NTRK3: variants seen among roughly 807,000 people sequenced by gnomAD.
The protein encoded by NTRK3 is NT-3 growth factor receptor.
Under a neutral mutation model 91.7 loss-of-function variants are expected in NTRK3, and 24 were observed. The observed-to-expected ratio is 0.26, with a 90% CI of 0.19 to 0.37. The LOEUF is 0.37. NTRK3 is among the 10% of genes least tolerant of loss of function. The probability of loss-of-function intolerance (pLI) is 1.00; values close to 1 mark genes in which losing one functional copy is unlikely to be tolerated. For synonymous variants in NTRK3, 483 were observed against 404.0 expected (o/e 1.20, Z -2.34); for missense variants, 880 against 1,068.9 (o/e 0.82, Z 2.46).
chr15:88,078,312 C>T (rs982794265), intron 13 of NTRK3, among the ~76,000 whole-genome samples: 1 of 152,180 alleles, frequency 6.6e-6, no homozygotes, highest in East Asian at 1.9e-4. Context: ...ACATACCTCA[C>T]ATGGCACGTC....
intron 17 of NTRK3, among the ~76,000 whole-genome samples, chr15:87,904,321 T>A (rs1334651926): frequency 6.6e-6 from 1 of 151,696 alleles, no homozygotes; most frequent in East Asian, 1.9e-4. Context: ...CGGCTAATTT[T>A]TTTTTTATTT....
chr15:87,912,798 GT>G (rs1363527584), intron 17 of NTRK3, among the ~76,000 whole-genome samples: 8 of 151,782 alleles, frequency 5.3e-5, no homozygotes, highest in Non-Finnish European at 8.8e-5. Flanking sequence ...TTACAAAACA[GT>G]TGGGTGGAGT....
Position 88,008,005 on chromosome 15 carries a change from A to G in NTRK3, c.1585+24852T>C, listed in dbSNP as rs79930567. On this transcript the variant is annotated intron_variant, in intron 14 of 18. Coordinates refer to ENST00000394480, the Ensembl canonical transcript of NTRK3. ...TTATCTACTGGGATGACTTGGCCAC[A>G]TATCTCTAGAGATACAGAGATCTAA... Among the ~76,000 whole-genome samples the G allele has an allele frequency of 6.8e-3, 1,031 of 152,320 alleles. 7 individuals carry two copies. Among genetic ancestry groups the G allele is most frequent in the Non-Finnish European group, 9.6e-3 (650 of 68,030 alleles).
intron 11 of NTRK3, among the ~76,000 whole-genome samples, chr15:88,127,794 A>T (rs2053447909): frequency 6.6e-6 from 1 of 152,178 alleles, no homozygotes; most frequent in Non-Finnish European, 1.5e-5. Context: ...GGGCAGCTTA[A>T]GTTAAAAAAA....
chr15:88,056,430 C>G (rs2045701869), intron 13 of NTRK3, among the ~76,000 whole-genome samples: 1 of 151,900 alleles, frequency 6.6e-6, no homozygotes, highest in African/African-American at 2.4e-5. Context: ...AAATTAAGTA[C>G]AGTAAATATT....
intron 14 of NTRK3, among the ~76,000 whole-genome samples, chr15:87,942,672 G>A (rs1347810031): frequency 2.0e-5 from 3 of 152,104 alleles, no homozygotes; most frequent in African/African-American, 7.2e-5. Flanking sequence ...TCAAGACCTG[G>A]ATCCTCCAAG....
chr15:88,183,359 T>C, intron 5 of NTRK3, 59 bp downstream of exon 5: 1 of 1,575,920 alleles, frequency 6.3e-7, no homozygotes, highest in South Asian at 1.1e-5. Flanking sequence ...GTCTCCGGTT[T>C]CACTGCCCCA....
At chr15:88,191,699 G>A (rs898864758) in intron 3 of NTRK3, among the ~76,000 whole-genome samples, 6 of 152,344 alleles carry the variant, frequency 3.9e-5, no homozygotes, top group African/African-American at 1.2e-4. Flanking sequence ...TTATCCAGGC[G>A]TATTATGTCT....
At chr15:87,876,976 A>G (rs371484023) in exon 19 of NTRK3, 14 of 1,613,844 alleles carry the variant, frequency 8.7e-6, no homozygotes, top group Non-Finnish European at 1.1e-5. Context: ...GCCTTCCCCA[A>G]AGCATGGAGG....
chr15:87,924,443 T>C (rs1304310812), intron 17 of NTRK3, among the ~76,000 whole-genome samples: 1 of 152,138 alleles, frequency 6.6e-6, no homozygotes, highest in Non-Finnish European at 1.5e-5. Context: ...CTGCCAGACC[T>C]GTTTATGACC....
exon 19 of NTRK3, chr15:87,875,441 G>A (rs1018045185): frequency 4.7e-5 from 11 of 232,162 alleles, no homozygotes; most frequent in East Asian, 6.1e-5. Context: ...GAGGGAGCAG[G>A]CCCCAGCACA....
At chr15:87,867,539 C>G (rs2064716160) in exon 19 of NTRK3, 1 of 230,022 alleles carries the variant, frequency 4.3e-6, no homozygotes, top group African/African-American at 2.2e-5. Flanking sequence ...GGATGAGAAA[C>G]AGATTGGCTT....
chr15:87,953,043 G>A (rs934839065), intron 14 of NTRK3, among the ~76,000 whole-genome samples: 1 of 152,180 alleles, frequency 6.6e-6, no homozygotes, highest in African/African-American at 2.4e-5. Context: ...CCCTGTCGAA[G>A]CCCACTCACT....
At chr15:87,914,943 T>C (rs922732620) in intron 17 of NTRK3, among the ~76,000 whole-genome samples, 1 of 152,214 alleles carries the variant, frequency 6.6e-6, no homozygotes, top group Non-Finnish European at 1.5e-5. Context: ...CATGGTTATT[T>C]ACTAAGCACA....
intron 14 of NTRK3, among the ~76,000 whole-genome samples, chr15:87,946,002 T>C (rs2070456439): frequency 6.6e-6 from 1 of 152,186 alleles, no homozygotes; most frequent in African/African-American, 2.4e-5. Flanking sequence ...CTAAAATATA[T>C]TAGACATTTA....
At chr15:87,993,096 C>A (rs1332824601) in intron 14 of NTRK3, among the ~76,000 whole-genome samples, 1 of 152,168 alleles carries the variant, frequency 6.6e-6, no homozygotes. Flanking sequence ...AATATCTTAA[C>A]ATCAATGCCT....
chr15:88,194,592 C>T (rs1226105144), intron 3 of NTRK3, among the ~76,000 whole-genome samples: 1 of 152,212 alleles, frequency 6.6e-6, no homozygotes, highest in East Asian at 1.9e-4. Flanking sequence ...TTCATAAAGA[C>T]CCCTGCCTCC....
intron 13 of NTRK3, among the ~76,000 whole-genome samples, chr15:88,043,888 G>C (rs1043086996): frequency 6.6e-6 from 1 of 152,162 alleles, no homozygotes; most frequent in Non-Finnish European, 1.5e-5. Flanking sequence ...ACCCACAGTT[G>C]TATGGGTCTC....
At chr15:88,036,956 C>T (rs186803376) in intron 13 of NTRK3, among the ~76,000 whole-genome samples, 1 of 152,264 alleles carries the variant, frequency 6.6e-6, no homozygotes, top group African/African-American at 2.4e-5. Context: ...CACATAAAGT[C>T]CATAGATAGC....
Sources: gnomAD v4.1 joint callset for allele counts (sites outside exome capture counted in the v4.1 genomes callset) on GRCh38, gnomAD v4.1.1 for gene constraint, MANE v1.5 for transcripts, NCBI Gene and HGNC (gene_info 2026-07-23, HGNC 2026-07-21) for gene names.